NUP210: variants seen among roughly 807,000 people sequenced by gnomAD.
NUP210 encodes nuclear pore membrane glycoprotein 210.
Under a neutral mutation model 196.0 loss-of-function variants are expected in NUP210, and 151 were observed. The ratio of observed to expected loss-of-function variants is 0.77; its 90% CI spans 0.67 to 0.88. The LOEUF is 0.88. Among genes scored for constraint, NUP210 ranks in the 40% least tolerant of loss-of-function variants. The pLI, the probability that NUP210 is intolerant of heterozygous loss-of-function variation, is 0.00. For synonymous variants in NUP210, 1,070 were observed against 1,052.7 expected, an observed-to-expected ratio of 1.02 and a Z score of -0.32; for missense variants, 2,314 against 2,493.7, an observed-to-expected ratio of 0.93 and a Z score of 1.53.
chr3:13,381,303 T>C (rs915847687), intron 6 of NUP210, among the ~76,000 whole-genome samples: 1 of 152,206 alleles, frequency 6.6e-6, no homozygotes, highest in Non-Finnish European at 1.5e-5. Flanking sequence ...ATGCTTACAT[T>C]GAAGGGGACT....
chr3:13,359,526 C>T (rs1278254491), intron 15 of NUP210, among the ~76,000 whole-genome samples: 1 of 152,200 alleles, frequency 6.6e-6, no homozygotes, highest in East Asian at 1.9e-4. Flanking sequence ...TGCCAACTGA[C>T]ATTCTTTGCC....
chr3:13,339,502 G>A (rs1697369871), intron 25 of NUP210, among the ~76,000 whole-genome samples: 1 of 152,234 alleles, frequency 6.6e-6, no homozygotes, highest in Admixed American at 6.5e-5. Context: ...AGCCTTGAGA[G>A]GATTCAAGGA....
chr3:13,326,230 T>C (rs1696747530), intron 32 of NUP210, among the ~76,000 whole-genome samples: 1 of 152,258 alleles, frequency 6.6e-6, no homozygotes, highest in Admixed American at 6.5e-5. Flanking sequence ...CTGACCATCC[T>C]GGCATGAAGC....
Position 13,340,416 on chromosome 3 carries a change from CTGAGCAG to C in NUP210, c.3229-125_3229-119del. On this transcript the variant is annotated intron_variant, in intron 23 of 39. Coordinates refer to ENST00000254508, the MANE Select transcript of NUP210 (RefSeq NM_024923.4). The surrounding 1 kb of genome is among the most constrained non-coding windows in gnomAD (Gnocchi z 4.0). ...CCTGGGACATGGACATCACTTCTCT[CTGAGCAG>C]TGACCAGAGGGCCCAGGGTCCTGGG... The C allele has an allele frequency of 1.1e-6, 1 of 891,134 alleles. No homozygotes were observed. Among genetic ancestry groups the C allele is most frequent in the Non-Finnish European group, 1.8e-6 (1 of 558,604 alleles). The allele number at this position is 891,134 out of a possible 1,614,324, so 55.2% of individuals were successfully genotyped here.
intron 17 of NUP210, 51 bp downstream of exon 17, chr3:13,353,864 T>C: frequency 6.5e-7 from 1 of 1,544,950 alleles, no homozygotes; most frequent in South Asian, 1.2e-5. Flanking sequence ...GCAGGCTTCC[T>C]GTCTGGTCTC....
intron 33 of NUP210, among the ~76,000 whole-genome samples, chr3:13,325,102 G>A (rs1306896156): frequency 6.6e-6 from 1 of 152,138 alleles, no homozygotes; most frequent in Non-Finnish European, 1.5e-5. Flanking sequence ...CACAAAGCCA[G>A]ACCATGCTTC....
chr3:13,336,003 A>G (rs909226555), intron 27 of NUP210, among the ~76,000 whole-genome samples: 1 of 152,234 alleles, frequency 6.6e-6, no homozygotes, highest in Non-Finnish European at 1.5e-5. Context: ...ATATCTGCTA[A>G]TAAGTCTCAC....
At chr3:13,412,231 C>CTTTTTTTTTTTTTTTTTT (rs71066953) in intron 1 of NUP210, among the ~76,000 whole-genome samples, 2 of 104,790 alleles carry the variant, frequency 1.9e-5, no homozygotes, top group African/African-American at 1.0e-4. Context: ...TTTTCCTTTT[C>CTTTTTTTTTTTTTTTTTT]TTTTTTTTTT....
rs202061472 is a variant in NUP210 at position 13,354,039 on chromosome 3, G to C, written c.2397C>G (p.Phe799Leu). 4 of 1,607,188 alleles carry C rather than the reference G, an allele frequency of 2.5e-6. No individual in the cohort carries two copies. The highest frequency in any genetic ancestry group is 2.5e-6 in the Non-Finnish European group (3 of 1,177,114). The change falls in exon 17 of 40, where the codon TTC (phenylalanine) becomes TTG (leucine). Residue 799 changes from phenylalanine to leucine, a missense_variant. By Grantham distance (22) the Phe-to-Leu change is conservative (BLOSUM62 0). Transcript: ENST00000254508. ...GGATGCTCAGAGAGCTGAAGTTGTC[G>C]AACCGGCGGCCCTCCTGGTCGTAAG... ...LAAYDQEGRR[F>L]DNFSSLSIQW...
At chr3:13,337,760 A>G in intron 26 of NUP210, 77 bp downstream of exon 26, 2 of 1,337,176 alleles carry the variant, frequency 1.5e-6, no homozygotes, top group Non-Finnish European at 2.1e-6. Context: ...GAGGTGGAGA[A>G]GCACTCTAAC....
chr3:13,344,484 A>T (rs564407496), intron 20 of NUP210, among the ~76,000 whole-genome samples: 1 of 152,224 alleles, frequency 6.6e-6, no homozygotes, highest in Non-Finnish European at 1.5e-5. Flanking sequence ...TTTTAAAGTA[A>T]GCACTTCAGG....
intron 30 of NUP210, 97 bp from the exon 31 acceptor site, chr3:13,329,043 G>T: frequency 9.5e-7 from 1 of 1,050,878 alleles, no homozygotes; most frequent in Non-Finnish European, 1.4e-6. Flanking sequence ...CCCCCAGCAG[G>T]ATCCACCTCA....
intron 16 of NUP210, among the ~76,000 whole-genome samples, chr3:13,354,940 G>A (rs778759585): frequency 2.0e-5 from 3 of 152,210 alleles, no homozygotes; most frequent in Non-Finnish European, 2.9e-5. Context: ...TTTCCTGTGG[G>A]CTATCCCTCC....
intron 12 of NUP210, 22 bp from the exon 13 acceptor site, chr3:13,372,054 T>C: frequency 2.0e-6 from 3 of 1,533,128 alleles, no homozygotes; most frequent in Non-Finnish European, 2.6e-6. Flanking sequence ...GGGCATGGCC[T>C]GGGCTCAGCT....
chr3:13,401,110 T>A (rs970863741), intron 1 of NUP210, among the ~76,000 whole-genome samples: 7 of 151,354 alleles, frequency 4.6e-5, no homozygotes, highest in African/African-American at 1.7e-4. Flanking sequence ...ATACAAAAAA[T>A]TAACCAGGCT....
chr3:13,401,259 CAAAAAAAAAAA>C lies in NUP210; in HGVS notation c.168-1409_168-1399del, dbSNP rs71066952. On this transcript the variant is annotated intron_variant, in intron 1 of 39. Transcript: ENST00000254508. ...TGGGCAACAGAGTGAGACTCTGGCT[CAAAAAAAAAAA>C]AAAAAAAAAAGGCAATGGTGCGGAA... 1.1e-4 allele frequency among the ~76,000 whole-genome samples: 5 copies of C among 43,832 alleles called. No individual in the cohort carries two copies. In the East Asian group the frequency reaches 3.8e-3, roughly 33 times the overall value. 28.8% of individuals were successfully genotyped at this position (43,832 alleles called of 152,430 possible). A position where few individuals can be genotyped will look rare whatever the true frequency, so the allele number is the denominator to read the frequency against.
At chr3:13,377,157 G>A (rs1698939661) in intron 9 of NUP210, among the ~76,000 whole-genome samples, 1 of 152,136 alleles carries the variant, frequency 6.6e-6, no homozygotes, top group South Asian at 2.1e-4. Flanking sequence ...GCGGGAGAGT[G>A]GCGGGCAGAG....
At chr3:13,371,639 C>T (rs6803499) in intron 13 of NUP210, among the ~76,000 whole-genome samples, 195 bp downstream of exon 13, 97 of 152,358 alleles carry the variant, frequency 6.4e-4, no homozygotes, top group African/African-American at 2.0e-3. Flanking sequence ...CACTGATTTC[C>T]CGAAGTCACA....
chr3:13,368,356 C>T (rs9859179), intron 13 of NUP210, among the ~76,000 whole-genome samples: 11 of 152,230 alleles, frequency 7.2e-5, no homozygotes, highest in African/African-American at 2.4e-4. Context: ...GGATTAAGGG[C>T]ATGGGCCACC....
Sources: gnomAD v4.1 joint callset for allele counts (sites outside exome capture counted in the v4.1 genomes callset) on GRCh38, gnomAD v4.1.1 for gene constraint, Gnocchi (gnomAD v3.1) non-coding constraint, MANE v1.5 for transcripts, NCBI Gene and HGNC (gene_info 2026-07-23, HGNC 2026-07-21) for gene names.